CAMKK1: variants seen among roughly 807,000 people sequenced by gnomAD.
CAMKK1 encodes calcium/calmodulin dependent protein kinase kinase 1.
A neutral mutation model predicts 63.5 loss-of-function variants in CAMKK1; 20 were observed. That is an observed-to-expected ratio of 0.32 (90% confidence interval 0.22 to 0.46). CAMKK1 has a LOEUF of 0.46. CAMKK1 is among the 20% of genes least tolerant of loss of function. The pLI, the probability that CAMKK1 is intolerant of heterozygous loss-of-function variation, is 1.00. For missense variants in CAMKK1, 588 were observed against 658.1 expected (o/e 0.89, Z 1.17); for synonymous variants, 253 against 269.0 (o/e 0.94, Z 0.58).
intron 10 of CAMKK1, among the ~76,000 whole-genome samples, chr17:3,874,544 G>A (rs926129562): frequency 3.3e-5 from 5 of 151,918 alleles, no homozygotes; most frequent in Admixed American, 6.6e-5. Context: ...GCTAATTTTT[G>A]TATTTTTTAG....
intron 15 of CAMKK1, among the ~76,000 whole-genome samples, chr17:3,864,251 AATT>A (rs759892339): frequency 3.5e-5 from 5 of 142,624 alleles, no homozygotes; most frequent in Non-Finnish European, 7.6e-5. Context: ...CTGGCATAAT[AATT>A]ATTATTTTTT....
chr17:3,889,751 A>C lies in CAMKK1; in HGVS notation c.-44+3188T>G, dbSNP rs1597495458. On this transcript the variant is annotated intron_variant, in intron 1 of 15. Transcript: ENST00000348335. This position sits in a 1 kb window ranked among gnomAD's most constrained non-coding sequence, Gnocchi z 5.2. ...GGTTTTTCCTCCCAGGCTGTGCCCC[A>C]CCCCCCAAGCGTCTGGCCACTCCCA... is the stretch of plus-strand genomic sequence containing the variant. Among the ~76,000 whole-genome samples the C allele has an allele frequency of 6.8e-6, 1 of 148,046 alleles. No individual in the cohort carries two copies. The highest frequency in any genetic ancestry group is 2.5e-5 in the African/African-American group (1 of 39,900).
At position 3,890,828 on chromosome 17, in the gene CAMKK1, T is replaced by C. The variant is rs1225178576; in HGVS notation, c.-44+2111A>G. 13 of 775,408 alleles carry C rather than the reference T, an allele frequency of 1.7e-5. 1 individual carries two copies. The East Asian group carries it at 2.9e-4, about 17-fold the overall frequency. The allele number at this position is 775,408 out of a possible 1,614,324, so 48.0% of individuals were successfully genotyped here. ...CCTGGAGGACAGCTCAGACATCGCC[T>C]CTTCTGAGCCCTCCTTGATCTCCCC... On this transcript the variant is annotated intron_variant, in intron 1 of 15. Transcript: ENST00000348335. This position sits in a 1 kb window ranked among gnomAD's most constrained non-coding sequence, Gnocchi z 6.5.
chr17:3,871,873 T>A (rs898178382), intron 12 of CAMKK1, among the ~76,000 whole-genome samples: 20 of 150,594 alleles, frequency 1.3e-4, no homozygotes, highest in Non-Finnish European at 2.5e-4. Flanking sequence ...CTCTAACTCC[T>A]AACCTCAGGT....
At chr17:3,873,361 C>G in intron 11 of CAMKK1, 48 bp downstream of exon 11, 2 of 1,584,620 alleles carry the variant, frequency 1.3e-6, no homozygotes, top group Non-Finnish European at 1.7e-6. Flanking sequence ...TCGCCCGTGC[C>G]CGCCTCACTG....
intron 14 of CAMKK1, among the ~76,000 whole-genome samples, chr17:3,867,440 AG>A (rs2143790490): frequency 6.6e-6 from 1 of 152,336 alleles, no homozygotes; most frequent in African/African-American, 2.4e-5. Flanking sequence ...AGTGAGAAGC[AG>A]GCTCTGAGCT....
intron 14 of CAMKK1, among the ~76,000 whole-genome samples, chr17:3,869,071 C>T (rs1440956766): frequency 1.3e-5 from 2 of 151,846 alleles, no homozygotes; most frequent in African/African-American, 4.8e-5. Context: ...CGGGTTCACA[C>T]CATTCTCCTG....
At position 3,860,482 on chromosome 17, in the gene CAMKK1, G is replaced by GC. The variant is rs956630587; in HGVS notation, c.*1728dup. On this transcript the variant is annotated 3_prime_UTR_variant, in exon 16 of 16. Transcript: ENST00000348335. ...GTGACAGGGTGAGCATCCCACCTGG[G>GC]CCTACCCCTGAGCTTTCCAAGGGTG... 10 of 152,616 alleles carry GC rather than the reference G, an allele frequency of 6.6e-5. No individual in the cohort carries two copies. Among genetic ancestry groups the GC allele is most frequent in the African/African-American group, 2.2e-4 (9 of 41,428 alleles). The allele number at this position is 152,616 out of a possible 1,614,324, so 9.5% of individuals were successfully genotyped here. A position where few individuals can be genotyped will look rare whatever the true frequency, so the allele number is the denominator to read the frequency against.
At chr17:3,867,782 G>A (rs141335370) in intron 14 of CAMKK1, among the ~76,000 whole-genome samples, 1 of 152,278 alleles carries the variant, frequency 6.6e-6, no homozygotes, top group Non-Finnish European at 1.5e-5. Context: ...CTGGCCTTGT[G>A]CTTGCCCTGA....
At chr17:3,873,640 A>G (rs1279631448) in intron 10 of CAMKK1, among the ~76,000 whole-genome samples, 178 bp from the exon 11 acceptor site, 2 of 152,138 alleles carry the variant, frequency 1.3e-5, no homozygotes, top group African/African-American at 4.8e-5. Flanking sequence ...CTGAGGACAC[A>G]GGGGCGGCCA....
chr17:3,869,403 T>G (rs909173221), intron 14 of CAMKK1, 84 bp downstream of exon 14: 26 of 1,562,022 alleles, frequency 1.7e-5, no homozygotes, highest in East Asian at 1.1e-4. Context: ...CAGGCCTCTG[T>G]CCCCCCAAGG....
intron 11 of CAMKK1, 66 bp from the exon 12 acceptor site, chr17:3,872,693 C>T (rs2054945217): frequency 1.4e-6 from 2 of 1,420,284 alleles, no homozygotes. Context: ...GGGGATCAAC[C>T]CCCCTCCCTT....
At chr17:3,863,298 C>A (rs1003730472) in intron 15 of CAMKK1, among the ~76,000 whole-genome samples, 1 of 152,054 alleles carries the variant, frequency 6.6e-6, no homozygotes, top group Non-Finnish European at 1.5e-5. Flanking sequence ...GAGTTTGAGA[C>A]CAGCCTGGCC....
At chr17:3,867,378 C>T (rs902189327) in intron 14 of CAMKK1, among the ~76,000 whole-genome samples, 85 of 152,218 alleles carry the variant, frequency 5.6e-4, no homozygotes, top group African/African-American at 1.9e-3. Context: ...AAAAACAGGG[C>T]GGGTGGTGGG....
At position 3,884,312 on chromosome 17, in the gene CAMKK1, C is replaced by A. The variant is rs370829591; in HGVS notation, c.408+68G>T. The A allele has an allele frequency of 1.7e-5, 26 of 1,541,648 alleles. No individual in the cohort carries two copies. The highest frequency in any genetic ancestry group is 1.1e-4 in the South Asian group (10 of 89,174). ...GCTCTGCCTCCCGTTCCCTCCCACA[C>A]GAGAGAAGGAGCAGCGCCAAACAGA... is the stretch of plus-strand genomic sequence containing the variant. On this transcript the variant is annotated intron_variant, in intron 3 of 15. Transcript: ENST00000348335. This position sits in a 1 kb window ranked among gnomAD's most constrained non-coding sequence, Gnocchi z 4.5.
chr17:3,866,430 GAGCCGCAGCCGGTGGCCCAGTCA>G (rs2054527618), intron 14 of CAMKK1, among the ~76,000 whole-genome samples: 1 of 152,276 alleles, frequency 6.6e-6, no homozygotes, highest in East Asian at 1.9e-4. Flanking sequence ...GGAAGCGGCT[GAGCCGCAGCCGGTGGCCCAGTCA>G]GTGGGGCTGC....
In CAMKK1 at chr17:3,862,127, C is replaced by A. The variant is rs1344884385; in HGVS notation, c.*84G>T. 2.6e-6 allele frequency: 3 copies of A among 1,147,050 alleles called. No individual in the cohort carries two copies. Among genetic ancestry groups the A allele is most frequent in the Non-Finnish European group, 3.8e-6 (3 of 794,006 alleles). The allele number at this position is 1,147,050 out of a possible 1,614,324, so 71.1% of individuals were successfully genotyped here. ...GCTGCAGTCCCCAGCCCCCTGCCTGCGGGGGCGGCTGTTGCATGAGGGGTG... is the reference window on the plus strand; with the variant it reads ...GCTGCAGTCCCCAGCCCCCTGCCTGAGGGGGCGGCTGTTGCATGAGGGGTG... On this transcript the variant is annotated 3_prime_UTR_variant, in exon 16 of 16. Coordinates refer to ENST00000348335, the MANE Select transcript of CAMKK1 (RefSeq NM_032294.3). The surrounding 1 kb of genome is among the most constrained non-coding windows in gnomAD (Gnocchi z 4.1).
chr17:3,871,151 A>G (rs986417189), intron 12 of CAMKK1, among the ~76,000 whole-genome samples: 2 of 152,022 alleles, frequency 1.3e-5, no homozygotes, highest in Non-Finnish European at 2.9e-5. Context: ...AGGTGGCTAG[A>G]TAAGTCTGGG....
At chr17:3,874,440 T>G (rs1218568473) in intron 10 of CAMKK1, among the ~76,000 whole-genome samples, 1 of 152,206 alleles carries the variant, frequency 6.6e-6, no homozygotes, top group African/African-American at 2.4e-5. Context: ...AGCACGATCT[T>G]AGCTCACTGC....
Sources: allele counts gnomAD v4.1 joint callset (sites outside exome capture counted in the v4.1 genomes callset), GRCh38; gene constraint gnomAD v4.1.1; non-coding constraint Gnocchi (gnomAD v3.1); transcripts MANE v1.5; gene names NCBI Gene and HGNC (gene_info 2026-07-23, HGNC 2026-07-21).